BACE1: variants seen among roughly 807,000 people sequenced by gnomAD.
BACE1 encodes APP beta-secretase.
BACE1 carries 21 observed loss-of-function variants against 54.0 expected under a neutral mutation model. That is an observed-to-expected ratio of 0.39 (90% confidence interval 0.28 to 0.56). The LOEUF is 0.56. Ranked by LOEUF, BACE1 falls within the 20% of genes least tolerant of loss-of-function variation. The pLI, the probability that BACE1 is intolerant of heterozygous loss-of-function variation, is 0.63. For missense variants in BACE1, 511 were observed against 661.2 expected (o/e 0.77, Z 2.49); for synonymous variants, 232 against 260.9 (o/e 0.89, Z 1.07).
chr11:117,304,523 C>T lies in BACE1; in HGVS notation c.262-7562G>A, dbSNP rs566904755. Among the ~76,000 whole-genome samples, 45 of 152,316 alleles carry T rather than the reference C, an allele frequency of 3.0e-4. No individual in the cohort carries two copies. The Middle Eastern group carries it at 0.01, about 35-fold the overall frequency. On this transcript the variant is annotated intron_variant, in intron 1 of 8. Transcript: ENST00000313005. ...GAAGGCACCAACCATAGGTCAACCCCGTGAACATCTCTTGCCAGTTCCCTT... is the reference window on the plus strand; with the variant it reads ...GAAGGCACCAACCATAGGTCAACCCTGTGAACATCTCTTGCCAGTTCCCTT...
At chr11:117,303,889 G>A (rs997586126) in intron 1 of BACE1, among the ~76,000 whole-genome samples, 3 of 152,196 alleles carry the variant, frequency 2.0e-5, no homozygotes, top group Admixed American at 6.5e-5. Context: ...AGGAAAGTGA[G>A]ACCTAGAGTG....
At chr11:117,313,920 T>C (rs954245351) in intron 1 of BACE1, among the ~76,000 whole-genome samples, 11 of 152,180 alleles carry the variant, frequency 7.2e-5, no homozygotes, top group African/African-American at 2.4e-4. Context: ...TCCTCACAAT[T>C]ACCTTGCAAA....
intron 1 of BACE1, among the ~76,000 whole-genome samples, chr11:117,304,516 T>TCAACCC (rs759927338): frequency 1.3e-5 from 2 of 152,220 alleles, no homozygotes; most frequent in Non-Finnish European, 2.9e-5. Context: ...CAACCATAGG[T>TCAACCC]CAACCCCGTG....
intron 2 of BACE1, among the ~76,000 whole-genome samples, chr11:117,296,378 G>A (rs927985147): frequency 2.0e-5 from 3 of 152,152 alleles, no homozygotes; most frequent in Non-Finnish European, 4.4e-5. Context: ...TCTAGGCAGA[G>A]GGGTTTATGA....
chr11:117,305,274 G>C (rs890115969), intron 1 of BACE1, among the ~76,000 whole-genome samples: 2 of 152,168 alleles, frequency 1.3e-5, no homozygotes, highest in African/African-American at 4.8e-5. Context: ...GCTGAGAAAA[G>C]GGGGCAAGGA....
chr11:117,295,727 C>T (rs1419405776), intron 2 of BACE1: 1 of 1,141,062 alleles, frequency 8.8e-7, no homozygotes, highest in Non-Finnish European at 1.2e-6. Context: ...GAACCATTGA[C>T]TCTCTTACTG....
At chr11:117,292,598 T>C (rs972920979) in intron 5 of BACE1, among the ~76,000 whole-genome samples, 7 of 152,154 alleles carry the variant, frequency 4.6e-5, no homozygotes, top group Non-Finnish European at 1.0e-4. Context: ...AGATAAACAC[T>C]TTACACATTA....
At chr11:117,309,457 A>T (rs565849181) in intron 1 of BACE1, among the ~76,000 whole-genome samples, 2 of 152,194 alleles carry the variant, frequency 1.3e-5, no homozygotes, top group East Asian at 3.9e-4. Context: ...TCCTCTTTCA[A>T]ATACCTCCGT....
intron 1 of BACE1, among the ~76,000 whole-genome samples, chr11:117,297,624 A>C (rs74369487): frequency 0.052 from 6,184 of 118,396 alleles, 164 homozygotes; most frequent in Middle Eastern, 0.096. Context: ...TCAACAACAA[A>C]AAAAAAAGGG....
intron 2 of BACE1, 51 bp from the exon 3 acceptor site, chr11:117,295,398 G>C (rs1212361987): frequency 6.3e-7 from 1 of 1,596,396 alleles, no homozygotes; most frequent in Non-Finnish European, 8.5e-7. Context: ...ACTGGTATAA[G>C]GATCTAAGTT....
intron 1 of BACE1, among the ~76,000 whole-genome samples, chr11:117,298,303 A>C (rs1242034606): frequency 6.6e-6 from 1 of 151,972 alleles, no homozygotes; most frequent in East Asian, 1.9e-4. Flanking sequence ...CCGTCTCAAA[A>C]AAAAAAAGAA....
chr11:117,316,122 G>T lies in BACE1; in HGVS notation c.-327C>A. 1 of 396,438 alleles carries T rather than the reference G, an allele frequency of 2.5e-6. No homozygotes were observed. Among genetic ancestry groups the T allele is most frequent in the Non-Finnish European group, 4.4e-6 (1 of 225,188 alleles). The allele number at this position is 396,438 out of a possible 1,614,324, so 24.6% of individuals were successfully genotyped here. The stretch of plus-strand genomic sequence containing the variant: ...ATGGCGGGCCGGTGGCGGCTTCCCT[G>T]GTCCCCCCGGCGGGCGGCGGCGCGG... On this transcript the variant is annotated 5_prime_UTR_variant, in exon 1 of 9. Transcript: ENST00000313005.
At chr11:117,297,302 A>G in intron 1 of BACE1, 1 of 252,422 alleles carries the variant, frequency 4.0e-6, no homozygotes, top group Non-Finnish European at 7.5e-6. Flanking sequence ...TGATGATTTT[A>G]TACCATCTTG....
At position 117,293,806 on chromosome 11, in the gene BACE1, G is replaced by T; in HGVS notation, c.705+65C>A. On this transcript the variant is annotated intron_variant, in intron 4 of 8. Coordinates refer to ENST00000313005, the MANE Select transcript of BACE1 (RefSeq NM_012104.6). This position sits in a 1 kb window ranked among gnomAD's most constrained non-coding sequence, Gnocchi z 4.1. The stretch of plus-strand genomic sequence containing the variant: ...AAAACTGTGGTGTAGCTTTCAGGAA[G>T]GGGAGAGGATGGCACCCATCTCTCC... The T allele has an allele frequency of 6.7e-7, 1 of 1,502,452 alleles. No individual in the cohort carries two copies. 93.1% of individuals were successfully genotyped at this position (1,502,452 alleles called of 1,614,324 possible).
Position 117,290,551 on chromosome 11 carries a change from C to T in BACE1, c.1201G>A (p.Gly401Ser). 1 of 1,614,202 alleles carries T rather than the reference C, an allele frequency of 6.2e-7. No homozygotes were observed. Among genetic ancestry groups the T allele is most frequent in the Non-Finnish European group, 8.5e-7 (1 of 1,180,044 alleles). Residue 401 changes from glycine (G) to serine (S), a missense_variant, in exon 8 of 9, where the codon GGC becomes AGC. Physicochemically the swap from Gly to Ser is moderately conservative, Grantham distance 56 (BLOSUM62 0). Coordinates refer to ENST00000313005, the MANE Select transcript of BACE1 (RefSeq NM_012104.6). ...GCCCGATCAAAGACAACGTAGAAGC[C>T]CTCCATGATAACAGCTCCCATAACA... is the stretch of plus-strand genomic sequence containing the variant. ...GTVMGAVIME[G>S]FYVVFDRARK... is the part of the protein sequence containing the mutation.
intron 1 of BACE1, among the ~76,000 whole-genome samples, chr11:117,307,639 C>T (rs1175052143): frequency 2.6e-5 from 4 of 152,290 alleles, no homozygotes. Context: ...CTGGAATTTT[C>T]TGCCCAGCCC....
rs200695125 is a variant in BACE1, at chr11:117,293,882, C to T, written c.694G>A (p.Gly232Arg). Residue 232 changes from glycine (G) to arginine (R), a missense_variant, in exon 4 of 9, where the codon GGA (glycine) becomes AGA (arginine). Gly to Arg is a moderately radical substitution (Grantham distance 125). Transcript: ENST00000313005. This position sits in a 1 kb window ranked among gnomAD's most constrained non-coding sequence, Gnocchi z 4.1. The part of the protein sequence containing the change: ...LNQSEVLASV[G>R]GSMIIGGIDH... ...GAGGACCTACTCACCATGCTCCCTC[C>T]GACAGAGGCCAGCACTTCAGACTGG... 20 of 1,613,212 alleles carry T rather than the reference C, an allele frequency of 1.2e-5. No homozygotes were observed. Among genetic ancestry groups the T allele is most frequent in the South Asian group, 1.1e-5 (1 of 90,990 alleles).
At chr11:117,297,923 A>G (rs976387770) in intron 1 of BACE1, among the ~76,000 whole-genome samples, 8 of 152,216 alleles carry the variant, frequency 5.3e-5, no homozygotes, top group African/African-American at 1.7e-4. Flanking sequence ...TGGCCCTCTG[A>G]CAGCCGACTC....
At chr11:117,290,854 G>C in intron 7 of BACE1, 46 bp downstream of exon 7, 1 of 1,600,288 alleles carries the variant, frequency 6.2e-7, no homozygotes, top group Non-Finnish European at 8.5e-7. Context: ...CTGTCTCCCA[G>C]TGTGTACTTT....
Sources: gnomAD v4.1 joint callset for allele counts (sites outside exome capture counted in the v4.1 genomes callset) on GRCh38, gnomAD v4.1.1 for gene constraint, Gnocchi (gnomAD v3.1) non-coding constraint, MANE v1.5 for transcripts, NCBI Gene and HGNC (gene_info 2026-07-23, HGNC 2026-07-21) for gene names.